The following MED1 variants were observed in gnomAD, a reference collection of about 807,000 sequenced individuals.
The protein encoded by MED1 is mediator of RNA polymerase II transcription subunit 1.
A neutral mutation model predicts 121.3 loss-of-function variants in MED1; 17 were observed. The observed-to-expected ratio is 0.14, with a 90% confidence interval of 0.10 to 0.21. The LOEUF (loss-of-function observed/expected upper bound fraction) is 0.21. Among genes scored for constraint, MED1 ranks in the 10% least tolerant of loss-of-function variants. The pLI, the probability that MED1 is intolerant of heterozygous loss-of-function variation, is 1.00. For synonymous variants in MED1, 661 were observed against 694.4 expected, an observed-to-expected ratio of 0.95 and a Z score of 0.76; for missense variants, 1,558 against 1,919.4, an observed-to-expected ratio of 0.81 and a Z score of 3.52.
intron 7 of MED1, among the ~76,000 whole-genome samples, chr17:39,433,069 G>C (rs537785628): frequency 6.6e-6 from 1 of 151,984 alleles, no homozygotes; most frequent in South Asian, 2.1e-4. Context: ...CCAGGTCAGT[G>C]GTGGGCGCCT....
In MED1 at chr17:39,405,034, G is replaced by C; in HGVS notation, c.*2441C>G. 1.7e-6 allele frequency: 1 copy of C among 588,156 alleles called. No individual in the cohort carries two copies. The highest frequency in any genetic ancestry group is 2.8e-6 in the Non-Finnish European group (1 of 356,034). The allele number at this position is 588,156 out of a possible 1,614,324, so 36.4% of individuals were successfully genotyped here. ...AATACATAAGACACCAGCAGCAGAA[G>C]ATAGGTAGAAGTTGACTTCATGTCC... On this transcript the variant is annotated 3_prime_UTR_variant, in exon 17 of 17. Coordinates refer to ENST00000300651, the MANE Select transcript of MED1 (RefSeq NM_004774.4).
At chr17:39,441,665 G>T (rs1417298781) in intron 3 of MED1, among the ~76,000 whole-genome samples, 1 of 152,160 alleles carries the variant, frequency 6.6e-6, no homozygotes, top group East Asian at 1.9e-4. Context: ...ACCCTCTCGG[G>T]AGGCTGAGGC....
chr17:39,431,913 A>G (rs1027074695), intron 8 of MED1, 29 bp downstream of exon 8: 27 of 1,498,340 alleles, frequency 1.8e-5, no homozygotes, highest in African/African-American at 2.8e-5. Flanking sequence ...TCAAGGGATC[A>G]TGTAGAATTA....
chr17:39,416,278 T>G (rs530560185), intron 14 of MED1, among the ~76,000 whole-genome samples: 2 of 152,222 alleles, frequency 1.3e-5, no homozygotes, highest in African/African-American at 4.8e-5. Context: ...CTCATTCTAC[T>G]TGATAAGCAG....
intron 2 of MED1, among the ~76,000 whole-genome samples, chr17:39,447,147 T>C (rs2048735571): frequency 6.6e-6 from 1 of 152,058 alleles, no homozygotes; most frequent in South Asian, 2.1e-4. Context: ...TCCCAGCACT[T>C]TGGGAGGCGA....
In MED1 at chr17:39,405,371, C is replaced by G; in HGVS notation, c.*2104G>C. 1 of 1,565,174 alleles carries G rather than the reference C, an allele frequency of 6.4e-7. No homozygotes were observed. The highest frequency in any genetic ancestry group is 8.7e-7 in the Non-Finnish European group (1 of 1,154,374). On this transcript the variant is annotated 3_prime_UTR_variant, in exon 17 of 17. Coordinates refer to ENST00000300651, the MANE Select transcript of MED1 (RefSeq NM_004774.4). ...TTACTCATTTTGGTATTTGTTGGCC[C>G]TGCATGGGGGAGCTGAGCCCATGAT...
chr17:39,427,853 T>C (rs1251373355), intron 9 of MED1, 63 bp from the exon 10 acceptor site: 2 of 991,778 alleles, frequency 2.0e-6, no homozygotes, highest in African/African-American at 3.3e-5. Context: ...AGAAAAACAT[T>C]AACATTTATT....
chr17:39,423,088 A>T (rs1005471654), intron 13 of MED1, among the ~76,000 whole-genome samples: 1 of 151,710 alleles, frequency 6.6e-6, no homozygotes, highest in African/African-American at 2.4e-5. Context: ...GCTGGTCTCG[A>T]ACTCCTGACC....
At position 39,410,430 on chromosome 17, in the gene MED1, C is replaced by G; in HGVS notation, c.1791G>C (p.Lys597Asn). ...ESVGHGEDFS[K>N]VSQNPILTSL... is the part of the protein sequence containing the mutation. The stretch of plus-strand genomic sequence containing the variant: ...TGGTAAGAATTGGGTTCTGAGACAC[C>G]TTGCTGAAGTCCTCCCCATGGCCCA... The change falls in exon 17 of 17, where the codon AAG becomes AAC. Residue 597 changes from lysine to asparagine, a missense_variant. Transcript: ENST00000300651. The G allele has an allele frequency of 6.2e-7, 1 of 1,613,964 alleles. No individual in the cohort carries two copies. Among genetic ancestry groups the G allele is most frequent in the Non-Finnish European group, 8.5e-7 (1 of 1,179,994 alleles).
At position 39,410,454 on chromosome 17, in the gene MED1, C is replaced by T. The variant is rs1261750930; in HGVS notation, c.1767G>A (p.Val589=). 6.8e-6 allele frequency: 11 copies of T among 1,613,910 alleles called. No homozygotes were observed. Among genetic ancestry groups the T allele is most frequent in the Non-Finnish European group, 9.3e-6 (11 of 1,180,040 alleles). The change falls in exon 17 of 17, where the codon GTG becomes GTA. Residue 589 remains valine, a synonymous_variant. Coordinates refer to ENST00000300651, the MANE Select transcript of MED1 (RefSeq NM_004774.4). ...CCTTGCTGAAGTCCTCCCCATGGCC[C>T]ACCGACTCATGCCGATCTTTGATGC... ...SMSIKDRHES[V]GHGEDFSKVS... is the part of the protein sequence containing the mutation.
At chr17:39,443,259 C>A (rs1218107382) in intron 3 of MED1, among the ~76,000 whole-genome samples, 1 of 151,866 alleles carries the variant, frequency 6.6e-6, no homozygotes, top group Admixed American at 6.6e-5. Flanking sequence ...CTCAGCCTCC[C>A]AAAGTGCTGG....
rs976613372 is a variant in MED1 at position 39,443,626 on chromosome 17, C to T, written c.135G>A (p.Glu45=). The change falls in exon 3 of 17, where the codon GAG becomes GAA. Residue 45 remains glutamate, a splice_region_variant and synonymous_variant. Coordinates refer to ENST00000300651, the MANE Select transcript of MED1 (RefSeq NM_004774.4). ...CTCCAGAACTCATCACAACCCTCTT[C>T]TCCTGTGTCAAGTGGGAAAACATTT... The part of the protein sequence containing the change: ...ETIKLVRQVM[E]KRVVMSSGGH... 5 of 1,613,396 alleles carry T rather than the reference C, an allele frequency of 3.1e-6. No homozygotes were observed. The highest frequency in any genetic ancestry group is 4.2e-6 in the Non-Finnish European group (5 of 1,179,540).
intron 16 of MED1, among the ~76,000 whole-genome samples, chr17:39,412,587 G>T (rs1443904522): frequency 3.4e-5 from 5 of 147,742 alleles, no homozygotes; most frequent in Middle Eastern, 7.1e-3. Context: ...TATCCAGGCT[G>T]GAGTGCAGTG....
intron 13 of MED1, among the ~76,000 whole-genome samples, chr17:39,422,469 G>A (rs1016416810): frequency 2.7e-5 from 2 of 74,340 alleles, no homozygotes; most frequent in South Asian, 5.0e-4. Context: ...GCCCAGCCTC[G>A]TTTTTTTTTT....
Position 39,434,283 on chromosome 17 carries a change from C to A in MED1, c.466G>T (p.Gly156Cys). 1 of 1,568,090 alleles carries A rather than the reference C, an allele frequency of 6.4e-7. No individual in the cohort carries two copies. Among genetic ancestry groups the A allele is most frequent in the South Asian group, 1.2e-5 (1 of 83,252 alleles). ...GGAAGGTTATACAGATTAACAAGGC[C>A]CTTAAGGTGCTTAGAAAATTCATCA... ...NFDEFSKHLK[G>C]LVNLYNLPGD... The change falls in exon 7 of 17, where the codon GGC (glycine) becomes TGC (cysteine). Residue 156 changes from glycine to cysteine, a missense_variant. Coordinates refer to ENST00000300651, the MANE Select transcript of MED1 (RefSeq NM_004774.4).
chr17:39,447,946 C>G, intron 1 of MED1, 42 bp from the exon 2 acceptor site: 2 of 1,269,884 alleles, frequency 1.6e-6, no homozygotes, highest in Non-Finnish European at 2.3e-6. Flanking sequence ...ACTGTTCTAT[C>G]AAGACCATCC....
intron 6 of MED1, among the ~76,000 whole-genome samples, chr17:39,436,239 T>C (rs2048617384): frequency 6.6e-6 from 1 of 151,604 alleles, no homozygotes; most frequent in African/African-American, 2.4e-5. Context: ...CAGGTGCCTG[T>C]AGTCCCAGCT....
chr17:39,405,029 C>T lies in MED1; in HGVS notation c.*2446G>A. Reference sequence around the variant, plus strand: ...CTGAGAATACATAAGACACCAGCAGCAGAAGATAGGTAGAAGTTGACTTCA... The same window carrying T: ...CTGAGAATACATAAGACACCAGCAGTAGAAGATAGGTAGAAGTTGACTTCA... On this transcript the variant is annotated 3_prime_UTR_variant, in exon 17 of 17. Transcript: ENST00000300651. The T allele has an allele frequency of 1.7e-6, 1 of 571,694 alleles. No individual in the cohort carries two copies. The highest frequency in any genetic ancestry group is 3.4e-5 in the South Asian group (1 of 29,838). The allele number at this position is 571,694 out of a possible 1,614,324, so 35.4% of individuals were successfully genotyped here. A position where few individuals can be genotyped will look rare whatever the true frequency, so the allele number is the denominator to read the frequency against.
intron 2 of MED1, among the ~76,000 whole-genome samples, chr17:39,447,403 A>C (rs1437043035): frequency 2.0e-5 from 3 of 151,564 alleles, no homozygotes; most frequent in Non-Finnish European, 2.9e-5. Context: ...ATAAAAAAAA[A>C]AAACAAAAAA....
Sources: gnomAD v4.1 joint callset for allele counts (sites outside exome capture counted in the v4.1 genomes callset) on GRCh38, gnomAD v4.1.1 for gene constraint, MANE v1.5 for transcripts, NCBI Gene and HGNC (gene_info 2026-07-23, HGNC 2026-07-21) for gene names.